The following TBCD variants were observed in gnomAD, a reference collection of about 807,000 sequenced individuals.
The protein encoded by TBCD is tubulin-specific chaperone D.
A neutral mutation model predicts 169.3 loss-of-function variants in TBCD; 105 were observed. That is an observed-to-expected ratio of 0.62 (90% CI 0.53 to 0.73). The LOEUF is 0.73. TBCD is among the 30% of genes least tolerant of loss of function. The pLI is 0.00. For synonymous variants in TBCD, 700 were observed against 643.9 expected (o/e 1.09, Z -1.32); for missense variants, 1,444 against 1,600.1 (o/e 0.90, Z 1.66).
intron 15 of TBCD, among the ~76,000 whole-genome samples, chr17:82,888,602 G>T (rs1413316972): frequency 1.3e-5 from 2 of 152,188 alleles, no homozygotes; most frequent in African/African-American, 4.8e-5. Flanking sequence ...CCAATCTCCA[G>T]CCCAGCCCAG....
At chr17:82,767,456 A>T (rs575759754) in intron 4 of TBCD, among the ~76,000 whole-genome samples, 32 of 151,176 alleles carry the variant, frequency 2.1e-4, no homozygotes, top group East Asian at 5.9e-4. Flanking sequence ...TTTTTTTTTT[A>T]AAAAGACAGA....
At chr17:82,792,019 T>A (rs539508012) in intron 7 of TBCD, among the ~76,000 whole-genome samples, 116 of 152,148 alleles carry the variant, frequency 7.6e-4, no homozygotes, top group African/African-American at 2.7e-3. Context: ...ACAGTAAAAA[T>A]ATATCATCAG....
At chr17:82,803,536 A>G (rs2050729048) in intron 9 of TBCD, among the ~76,000 whole-genome samples, 1 of 152,114 alleles carries the variant, frequency 6.6e-6, no homozygotes, top group Non-Finnish European at 1.5e-5. Flanking sequence ...TCTCCCCCAC[A>G]TATGAGCCCT....
intron 13 of TBCD, among the ~76,000 whole-genome samples, chr17:82,853,802 A>T (rs2056020295): frequency 6.6e-6 from 1 of 152,146 alleles, no homozygotes; most frequent in East Asian, 1.9e-4. Context: ...GTAAAAATCT[A>T]CCGTATGTGA....
At chr17:82,842,393 C>T (rs952189211) in intron 13 of TBCD, among the ~76,000 whole-genome samples, 1 of 152,216 alleles carries the variant, frequency 6.6e-6, no homozygotes, top group African/African-American at 2.4e-5. Context: ...CTCTCCCCCT[C>T]TCTCCCTTCT....
chr17:82,928,933 G>A (rs912659003), intron 30 of TBCD, among the ~76,000 whole-genome samples, 180 bp from the exon 31 acceptor site: 2 of 152,136 alleles, frequency 1.3e-5, no homozygotes, highest in South Asian at 2.1e-4. Context: ...GTAACGGAGT[G>A]TGGTTCTTCC....
At chr17:82,765,558 C>T (rs1019123303) in intron 3 of TBCD, among the ~76,000 whole-genome samples, 10 of 152,160 alleles carry the variant, frequency 6.6e-5, no homozygotes, top group African/African-American at 7.2e-5. Context: ...TGTTGTCTGG[C>T]GGGAAAGTCC....
chr17:82,787,440 CT>C (rs1283659385), intron 7 of TBCD, among the ~76,000 whole-genome samples: 1 of 152,246 alleles, frequency 6.6e-6, no homozygotes, highest in East Asian at 1.9e-4. Flanking sequence ...CATCTCGAGT[CT>C]TTCCAGAGTC....
chr17:82,768,593 C>T (rs763403013), intron 5 of TBCD, 27 bp downstream of exon 5: 1 of 1,608,882 alleles, frequency 6.2e-7, no homozygotes, highest in East Asian at 2.2e-5. Context: ...TAATTAGCTG[C>T]TAATTAGTAC....
chr17:82,938,526 A>G (rs1335634061), intron 36 of TBCD, among the ~76,000 whole-genome samples: 1 of 152,252 alleles, frequency 6.6e-6, no homozygotes, highest in African/African-American at 2.4e-5. Flanking sequence ...AAAACCTCAG[A>G]TGATACAAAG....
At chr17:82,905,076 C>T (rs1006653390) in intron 19 of TBCD, among the ~76,000 whole-genome samples, 11 of 152,286 alleles carry the variant, frequency 7.2e-5, no homozygotes, top group African/African-American at 2.6e-4. Context: ...GTGGCAGAGC[C>T]GCCTCCCTCT....
chr17:82,780,256 C>T (rs932695902), intron 6 of TBCD, among the ~76,000 whole-genome samples: 10 of 152,200 alleles, frequency 6.6e-5, no homozygotes, highest in African/African-American at 4.8e-5. Context: ...CCGTGGCTTC[C>T]GTCCTCTCTC....
At chr17:82,859,179 C>T (rs1193040575) in intron 13 of TBCD, among the ~76,000 whole-genome samples, 6 of 147,214 alleles carry the variant, frequency 4.1e-5, no homozygotes, top group Non-Finnish European at 7.4e-5. Flanking sequence ...TCTTGTGGGT[C>T]GTCTGGCCTG....
chr17:82,813,520 C>T (rs1047284993), intron 12 of TBCD, among the ~76,000 whole-genome samples: 3 of 152,156 alleles, frequency 2.0e-5, no homozygotes, highest in African/African-American at 4.8e-5. Flanking sequence ...GATGGACGGA[C>T]GGCATCCCCT....
intron 37 of TBCD, among the ~76,000 whole-genome samples, chr17:82,940,385 G>A (rs2063077142): frequency 6.6e-6 from 1 of 152,186 alleles, no homozygotes; most frequent in South Asian, 2.1e-4. Flanking sequence ...TCTGTTTTGA[G>A]TGCCGACTGT....
rs58187212 is a variant in TBCD, at chr17:82,915,183, C to T, written c.2038+3394C>T. Among the ~76,000 whole-genome samples the T allele has an allele frequency of 0.04, 6,032 of 152,156 alleles. 163 individuals carry two copies. Among genetic ancestry groups the T allele is most frequent in the South Asian group, 0.078 (375 of 4,818 alleles). On this transcript the variant is annotated intron_variant, in intron 23 of 38. Coordinates refer to ENST00000355528, the MANE Select transcript of TBCD (RefSeq NM_005993.5). This position sits in a 1 kb window ranked among gnomAD's most constrained non-coding sequence, Gnocchi z 4.3. Reference sequence around the variant, plus strand: ...CTTTCTCACCCAGGCCAGAGGATGGCGCCCTTACCCCCGAGGACGCCGGCA... The same window carrying T: ...CTTTCTCACCCAGGCCAGAGGATGGTGCCCTTACCCCCGAGGACGCCGGCA...
Position 82,937,303 on chromosome 17 carries a change from G to T in TBCD, c.3224G>T (p.Cys1075Phe), listed in dbSNP as rs2062711935. ...TTTGCTGTGAAGTTGCTTGCGCTCTGTAAGAAAGAAATCAAGAATTCAAAA... is the reference window on the plus strand; with the variant it reads ...TTTGCTGTGAAGTTGCTTGCGCTCTTTAAGAAAGAAATCAAGAATTCAAAA... ...HPFAVKLLAL[C>F]KKEIKNSKDI... Residue 1075 changes from cysteine (C) to phenylalanine (F), a missense_variant, in exon 35 of 39, where the codon TGT becomes TTT. By Grantham distance (205) the Cys-to-Phe change is radical. Transcript: ENST00000355528. 1 of 1,614,026 alleles carries T rather than the reference G, an allele frequency of 6.2e-7. No homozygotes were observed. Among genetic ancestry groups the T allele is most frequent in the Non-Finnish European group, 8.5e-7 (1 of 1,179,880 alleles).
chr17:82,869,308 C>G (rs950887848), intron 13 of TBCD, among the ~76,000 whole-genome samples: 22 of 152,146 alleles, frequency 1.4e-4, no homozygotes, highest in African/African-American at 5.3e-4. Context: ...CCTCTCATGT[C>G]TATGTAAAAA....
chr17:82,940,725 C>T (rs1446510634), intron 37 of TBCD, among the ~76,000 whole-genome samples: 1 of 152,126 alleles, frequency 6.6e-6, no homozygotes, highest in African/African-American at 2.4e-5. Flanking sequence ...ATCTTAACTA[C>T]TGCTCTGGAG....
Sources: allele counts gnomAD v4.1 joint callset (sites outside exome capture counted in the v4.1 genomes callset), GRCh38; gene constraint gnomAD v4.1.1; non-coding constraint Gnocchi (gnomAD v3.1); transcripts MANE v1.5; gene names NCBI Gene and HGNC (gene_info 2026-07-23, HGNC 2026-07-21).